CBX5: variants seen among roughly 807,000 people sequenced by gnomAD.
CBX5 encodes the protein chromobox 5.
CBX5 carries 7 observed loss-of-function variants against 20.7 expected under a neutral mutation model. That is an observed-to-expected ratio of 0.34 (90% confidence interval 0.19 to 0.63). The LOEUF (loss-of-function observed/expected upper bound fraction) is 0.63, where lower values mean the gene tolerates loss of function less well. CBX5 is among the 30% of genes least tolerant of loss of function. CBX5 has a pLI of 0.75. For missense variants in CBX5, 110 were observed against 224.1 expected (o/e 0.49, Z 3.25); for synonymous variants, 78 against 77.0 (o/e 1.01, Z -0.07).
In CBX5 at chr12:54,231,447, T is replaced by C. The variant is rs937108502; in HGVS notation, c.*10308A>G. 2 of 154,642 alleles carry C rather than the reference T, an allele frequency of 1.3e-5. No individual in the cohort carries two copies. The highest frequency in any genetic ancestry group is 2.9e-5 in the Non-Finnish European group (2 of 68,082). 9.6% of individuals were successfully genotyped at this position (154,642 alleles called of 1,614,324 possible). On this transcript the variant is annotated 3_prime_UTR_variant, in exon 5 of 5. Transcript: ENST00000209875. ...ACTCCACAGAACCATCTGGTACTGC[T>C]AGTGCTGGGTGAACAGTGAGAGCAG...
At chr12:54,255,363 G>A (rs538591806) in intron 2 of CBX5, among the ~76,000 whole-genome samples, 1 of 152,156 alleles carries the variant, frequency 6.6e-6, no homozygotes, top group East Asian at 1.9e-4. Flanking sequence ...TTCGAGACCA[G>A]CCTGGCCAAC....
At chr12:54,263,485 A>C (rs1356094776) in intron 1 of CBX5, among the ~76,000 whole-genome samples, 3 of 152,116 alleles carry the variant, frequency 2.0e-5, no homozygotes, top group African/African-American at 7.2e-5. Flanking sequence ...CTGTAATCCC[A>C]GCACTTTGGG....
chr12:54,261,454 G>A (rs1377819990), intron 1 of CBX5, among the ~76,000 whole-genome samples: 3 of 151,854 alleles, frequency 2.0e-5, no homozygotes, highest in East Asian at 2.0e-4. Flanking sequence ...GTGCCACCAC[G>A]CCCAGCTAAT....
intron 1 of CBX5, among the ~76,000 whole-genome samples, chr12:54,279,628 T>A (rs1944110885): frequency 6.6e-6 from 1 of 152,146 alleles, no homozygotes. Context: ...CGATCCCGCA[T>A]TCCCCATTGG....
chr12:54,254,208 T>C lies in CBX5; in HGVS notation c.138-1981A>G, dbSNP rs1202376980. Among the ~76,000 whole-genome samples, 4 of 151,456 alleles carry C rather than the reference T, an allele frequency of 2.6e-5. No homozygotes were observed. In the East Asian group the frequency reaches 7.9e-4, roughly 30 times the overall value. Reference sequence around the variant, plus strand: ...AGTCGGGCATGGTGGCACCTGCCTGTAATCCTAGCTACTCAGGAGGCTGAG... The same window carrying C: ...AGTCGGGCATGGTGGCACCTGCCTGCAATCCTAGCTACTCAGGAGGCTGAG... On this transcript the variant is annotated intron_variant, in intron 2 of 4. Transcript: ENST00000209875.
At position 54,236,538 on chromosome 12, in the gene CBX5, T is replaced by A. The variant is rs972177575; in HGVS notation, c.*5217A>T. The A allele has an allele frequency of 4.6e-5, 7 of 152,236 alleles. No individual in the cohort carries two copies. Among genetic ancestry groups the A allele is most frequent in the African/African-American group, 1.7e-4 (7 of 41,458 alleles). 9.4% of individuals were successfully genotyped at this position (152,236 alleles called of 1,614,324 possible). ...TTATGATTAGCAGGTAAAGGTAGCA[T>A]GAAACTGCAATACACTGGCTCCAGA... On this transcript the variant is annotated 3_prime_UTR_variant, in exon 5 of 5. Transcript: ENST00000209875.
At chr12:54,251,641 A>T (rs893563598) in intron 3 of CBX5, among the ~76,000 whole-genome samples, 21 of 151,760 alleles carry the variant, frequency 1.4e-4, no homozygotes, top group African/African-American at 4.4e-4. Flanking sequence ...GCTGAGATCC[A>T]GCCACTGCAC....
chr12:54,265,351 T>C lies in CBX5; in HGVS notation c.-42-7659A>G, dbSNP rs374748099. On this transcript the variant is annotated intron_variant, in intron 1 of 4. Transcript: ENST00000209875. ...TTTTAGGTGTGTAACACAAACAGCATAAAACTAAAATATCCCCTATAAAGA... is the reference window on the plus strand; with the variant it reads ...TTTTAGGTGTGTAACACAAACAGCACAAAACTAAAATATCCCCTATAAAGA... Among the ~76,000 whole-genome samples, 11 of 152,262 alleles carry C rather than the reference T, an allele frequency of 7.2e-5. No homozygotes were observed. In the East Asian group the frequency reaches 1.3e-3, roughly 19 times the overall value.
At position 54,235,727 on chromosome 12, in the gene CBX5, A is replaced by T. The variant is rs80250532; in HGVS notation, c.*6028T>A. 2.6e-5 allele frequency: 4 copies of T among 152,368 alleles called. No homozygotes were observed. The East Asian group carries it at 5.8e-4, about 22-fold the overall frequency. 9.4% of individuals were successfully genotyped at this position (152,368 alleles called of 1,614,324 possible). A position where few individuals can be genotyped will look rare whatever the true frequency, so the allele number is the denominator to read the frequency against. ...ACTTCTCTTTAGAAAATCTCTTGTCATTGGAAAGCATGTCCGTTTTAGGCT... is the reference window on the plus strand; with the variant it reads ...ACTTCTCTTTAGAAAATCTCTTGTCTTTGGAAAGCATGTCCGTTTTAGGCT... On this transcript the variant is annotated 3_prime_UTR_variant, in exon 5 of 5. Transcript: ENST00000209875.
chr12:54,267,358 C>T lies in CBX5; in HGVS notation c.-42-9666G>A, dbSNP rs973326438. Among the ~76,000 whole-genome samples, 3 of 152,194 alleles carry T rather than the reference C, an allele frequency of 2.0e-5. No homozygotes were observed. The East Asian group carries it at 5.8e-4, about 29-fold the overall frequency. On this transcript the variant is annotated intron_variant, in intron 1 of 4. Transcript: ENST00000209875. ...TTATGGTCATAAAGCATTTTCCAAACGTCAGCCATAAAATTAAGACTCAGT... is the reference window on the plus strand; with the variant it reads ...TTATGGTCATAAAGCATTTTCCAAATGTCAGCCATAAAATTAAGACTCAGT...
rs1023044272 is a variant in CBX5 at position 54,240,969 on chromosome 12, C to T, written c.*786G>A. On this transcript the variant is annotated 3_prime_UTR_variant, in exon 5 of 5. Transcript: ENST00000209875. ...CAATTGTACCCTACCCCATCATCCT[C>T]ATGTACTATAGCTACAAATCTGCAC... 1 of 152,256 alleles carries T rather than the reference C, an allele frequency of 6.6e-6. No homozygotes were observed. Among genetic ancestry groups the T allele is most frequent in the African/African-American group, 2.4e-5 (1 of 41,450 alleles). The allele number at this position is 152,256 out of a possible 1,614,324, so 9.4% of individuals were successfully genotyped here. A position where few individuals can be genotyped will look rare whatever the true frequency, so the allele number is the denominator to read the frequency against.
At chr12:54,264,623 A>G (rs1317355492) in intron 1 of CBX5, among the ~76,000 whole-genome samples, 1 of 152,116 alleles carries the variant, frequency 6.6e-6, no homozygotes, top group Non-Finnish European at 1.5e-5. Context: ...TGGGTGGATC[A>G]CCTGAGGTCG....
intron 4 of CBX5, among the ~76,000 whole-genome samples, chr12:54,242,554 A>G (rs949325786): frequency 6.7e-6 from 1 of 150,156 alleles, no homozygotes; most frequent in Admixed American, 6.6e-5. Context: ...ACCTACATTC[A>G]GCTCTATTGA....
At chr12:54,247,679 G>A (rs1050882711) in intron 3 of CBX5, among the ~76,000 whole-genome samples, 33 of 152,010 alleles carry the variant, frequency 2.2e-4, no homozygotes, top group Non-Finnish European at 1.0e-4. Flanking sequence ...ATACAAGCCA[G>A]GTAATTTTTT....
chr12:54,242,873 C>T (rs988022486), intron 4 of CBX5, among the ~76,000 whole-genome samples: 1 of 152,126 alleles, frequency 6.6e-6, no homozygotes, highest in Admixed American at 6.5e-5. Flanking sequence ...GCCTGTAATC[C>T]CAGCACTTTG....
At chr12:54,259,674 C>T (rs569241273) in intron 1 of CBX5, 6 of 152,826 alleles carry the variant, frequency 3.9e-5, no homozygotes, top group African/African-American at 1.4e-4. Flanking sequence ...CAGTACTACA[C>T]TAAGGGGGAG....
chr12:54,279,391 AC>A (rs1944106013), intron 1 of CBX5, among the ~76,000 whole-genome samples: 1 of 152,150 alleles, frequency 6.6e-6, no homozygotes, highest in Admixed American at 6.5e-5. Flanking sequence ...GAGCAAACTT[AC>A]GCTTTCAAGG....
chr12:54,252,187 G>C lies in CBX5; in HGVS notation c.178C>G (p.Pro60Ala). The change falls in exon 3 of 5, where the codon CCT (proline) becomes GCT (alanine). Residue 60 changes from proline (P) to alanine (A), a missense_variant. By Grantham distance (27) the Pro-to-Ala change is conservative (BLOSUM62 -1). Transcript: ENST00000209875. ...TTCATAAATTCAGAAATTAGCTCAG[G>C]GCAATCCAAGTTTTTCTCAGGTTCC... is the stretch of plus-strand genomic sequence containing the variant. ...TWEPEKNLDC[P>A]ELISEFMKKY... 2 of 1,605,614 alleles carry C rather than the reference G, an allele frequency of 1.2e-6. No homozygotes were observed. The highest frequency in any genetic ancestry group is 1.7e-6 in the Non-Finnish European group (2 of 1,177,482).
chr12:54,246,794 A>G (rs905671464), intron 3 of CBX5, among the ~76,000 whole-genome samples: 1 of 151,732 alleles, frequency 6.6e-6, no homozygotes, highest in Non-Finnish European at 1.5e-5. Context: ...AAAAAAAAAA[A>G]AAAAAAGAAA....
Sources: gnomAD v4.1 joint callset for allele counts (sites outside exome capture counted in the v4.1 genomes callset) on GRCh38, gnomAD v4.1.1 for gene constraint, MANE v1.5 for transcripts, NCBI Gene and HGNC (gene_info 2026-07-23, HGNC 2026-07-21) for gene names.